REM1: variants seen among roughly 807,000 people sequenced by gnomAD.
REM1 encodes the protein GTP-binding protein REM 1.
Under a neutral mutation model 27.0 loss-of-function variants are expected in REM1, and 20 were observed. That is an observed-to-expected ratio of 0.74 (90% CI 0.52 to 1.08). The LOEUF is 1.08. REM1 is among the 50% of genes least tolerant of loss of function. REM1 has a pLI of 0.00. For synonymous variants in REM1, 159 were observed against 167.9 expected, an observed-to-expected ratio of 0.95 and a Z score of 0.41; for missense variants, 405 against 407.0, an observed-to-expected ratio of 1.00 and a Z score of 0.04.
chr20:31,478,042 A>C, intron 3 of REM1, 132 bp downstream of exon 3: 1 of 633,936 alleles, frequency 1.6e-6, no homozygotes, highest in South Asian at 1.8e-5. Flanking sequence ...CCCAAAACCC[A>C]CAGCTCCTAA....
chr20:31,476,839 C>CA, intron 2 of REM1, 54 bp downstream of exon 2: 1 of 1,420,542 alleles, frequency 7.0e-7, no homozygotes, highest in African/African-American at 1.4e-5. Context: ...AAAGCCCTGT[C>CA]ACCAGGGACA....
chr20:31,482,333 A>G lies in REM1; in HGVS notation c.470A>G (p.Tyr157Cys). The G allele has an allele frequency of 1.2e-6, 2 of 1,614,096 alleles. No homozygotes were observed. Among genetic ancestry groups the G allele is most frequent in the East Asian group, 2.2e-5 (1 of 44,882 alleles). ...TCATGCCTGCAGGGGGGCAGTGCCT[A>G]TGTCATCGTATACTCCATCGCAGAC... Reference protein sequence around the residue: ...QESCLQGGSAYVIVYSIADRG... With the variant: ...QESCLQGGSACVIVYSIADRG... Residue 157 changes from tyrosine to cysteine, a missense_variant, in exon 4 of 5, where the codon TAT (tyrosine) becomes TGT (cysteine). By Grantham distance (194) the Tyr-to-Cys change is radical. Transcript: ENST00000201979.
intron 2 of REM1, among the ~76,000 whole-genome samples, chr20:31,477,002 T>C (rs894038739): frequency 9.8e-5 from 15 of 152,314 alleles, no homozygotes; most frequent in African/African-American, 3.6e-4. Context: ...AATTCTTGAA[T>C]AGAACAAGAA....
Position 31,475,710 on chromosome 20 carries a change from T to C in REM1, c.-220+344T>C, listed in dbSNP as rs915389059. 5.3e-5 allele frequency among the ~76,000 whole-genome samples: 8 copies of C among 152,114 alleles called. No individual in the cohort carries two copies. Among genetic ancestry groups the C allele is most frequent in the African/African-American group, 1.7e-4 (7 of 41,408 alleles). On this transcript the variant is annotated intron_variant, in intron 1 of 4. Coordinates refer to ENST00000201979, the MANE Select transcript of REM1 (RefSeq NM_014012.6). The surrounding 1 kb of genome is among the most constrained non-coding windows in gnomAD (Gnocchi z 5.0). ...GGGGCCTGACCGGCGGCAGCTCCCG[T>C]CCCCAAAAGCAGTTGGAGGCCGTAG...
chr20:31,483,774 CAAAA>C (rs549633656), intron 4 of REM1, among the ~76,000 whole-genome samples: 8 of 102,516 alleles, frequency 7.8e-5, no homozygotes, highest in South Asian at 7.7e-4. Context: ...AACAGACATC[CAAAA>C]AAAAAAAAAA....
chr20:31,479,675 C>T (rs1980648394), intron 3 of REM1, among the ~76,000 whole-genome samples: 1 of 152,144 alleles, frequency 6.6e-6, no homozygotes, highest in African/African-American at 2.4e-5. Flanking sequence ...TCCATCCGTT[C>T]CGTCTGTGCG....
chr20:31,475,458 T>C lies in REM1; in HGVS notation c.-220+92T>C, dbSNP rs775223010. The stretch of plus-strand genomic sequence containing the variant: ...GGGGATTCGGCAGCGTTGGCAGGAA[T>C]AGGGGGGCTTCGAAACCGCGTCCCT... On this transcript the variant is annotated intron_variant, in intron 1 of 4. Coordinates refer to ENST00000201979, the MANE Select transcript of REM1 (RefSeq NM_014012.6). The surrounding 1 kb of genome is among the most constrained non-coding windows in gnomAD (Gnocchi z 5.0). The C allele has an allele frequency of 6.6e-6, 1 of 152,332 alleles. No homozygotes were observed. Among genetic ancestry groups the C allele is most frequent in the Admixed American group, 6.5e-5 (1 of 15,276 alleles). 9.4% of individuals were successfully genotyped at this position (152,332 alleles called of 1,614,324 possible).
chr20:31,484,012 T>C, intron 4 of REM1, 147 bp from the exon 5 acceptor site: 1 of 881,998 alleles, frequency 1.1e-6, no homozygotes, highest in Non-Finnish European at 1.6e-6. Flanking sequence ...CAAAGACCAG[T>C]CTGATTTATC....
rs1980476570 is a variant in REM1, at chr20:31,475,858, C to T, written c.-219-369C>T. Among the ~76,000 whole-genome samples the T allele has an allele frequency of 6.6e-6, 1 of 152,226 alleles. No homozygotes were observed. Among genetic ancestry groups the T allele is most frequent in the African/African-American group, 2.4e-5 (1 of 41,458 alleles). On this transcript the variant is annotated intron_variant, in intron 1 of 4. Coordinates refer to ENST00000201979, the MANE Select transcript of REM1 (RefSeq NM_014012.6). This position sits in a 1 kb window ranked among gnomAD's most constrained non-coding sequence, Gnocchi z 5.0. Reference sequence around the variant, plus strand: ...CCCCCTCGCGCTTCTGGAGTGCCAACCCGCCCTCCTGCCTCTTCCTCCTCA... The same window carrying T: ...CCCCCTCGCGCTTCTGGAGTGCCAATCCGCCCTCCTGCCTCTTCCTCCTCA...
chr20:31,480,524 C>T (rs1268950205), intron 3 of REM1, among the ~76,000 whole-genome samples: 1 of 151,830 alleles, frequency 6.6e-6, no homozygotes, highest in African/African-American at 2.4e-5. Context: ...GGTTTCACCA[C>T]GTTAGCCAGG....
intron 3 of REM1, among the ~76,000 whole-genome samples, chr20:31,480,798 G>A (rs1200448170): frequency 6.6e-6 from 1 of 152,172 alleles, no homozygotes; most frequent in Non-Finnish European, 1.5e-5. Context: ...AAGACCCAAA[G>A]GAAGAAACCT....
At chr20:31,483,483 A>G (rs1980800656) in intron 4 of REM1, among the ~76,000 whole-genome samples, 1 of 151,390 alleles carries the variant, frequency 6.6e-6, no homozygotes, top group African/African-American at 2.5e-5. Flanking sequence ...CAAAGCTTTA[A>G]TTGTCTGCAA....
At chr20:31,479,995 G>A (rs1032047236) in intron 3 of REM1, among the ~76,000 whole-genome samples, 3 of 151,998 alleles carry the variant, frequency 2.0e-5, no homozygotes, top group Non-Finnish European at 4.4e-5. Context: ...AGGCTAAGGC[G>A]GGAGAATCAC....
intron 3 of REM1, among the ~76,000 whole-genome samples, chr20:31,480,262 CATACATACATACATACATACATAG>C (rs1980684411): frequency 6.6e-6 from 1 of 151,578 alleles, no homozygotes; most frequent in Non-Finnish European, 1.5e-5. Flanking sequence ...TACATACATA[CATACATACATACATACATACATAG>C]ATACTACAGC....
At chr20:31,484,132 C>T (rs1433144163) in intron 4 of REM1, 27 bp from the exon 5 acceptor site, 1 of 1,547,482 alleles carries the variant, frequency 6.5e-7, no homozygotes. Flanking sequence ...TGGCTCCACC[C>T]CTCCTCGCCG....
At chr20:31,483,742 G>A (rs1033955573) in intron 4 of REM1, among the ~76,000 whole-genome samples, 1 of 148,632 alleles carries the variant, frequency 6.7e-6, no homozygotes, top group African/African-American at 2.5e-5. Flanking sequence ...GCTCCTGGAG[G>A]TGGAAGACCC....
Position 31,484,549 on chromosome 20 carries a change from C to A in REM1, c.*119C>A, listed in dbSNP as rs1363155069. The A allele has an allele frequency of 1.6e-6, 2 of 1,248,752 alleles. No homozygotes were observed. The highest frequency in any genetic ancestry group is 6.8e-5 in the Admixed American group (2 of 29,378). The allele number at this position is 1,248,752 out of a possible 1,614,324, so 77.4% of individuals were successfully genotyped here. On this transcript the variant is annotated 3_prime_UTR_variant, in exon 5 of 5. Transcript: ENST00000201979. ...CTGCATCATGGGTCTTGCTTGCCTG[C>A]TGCCCTGATGGCCTGAGCATCCCCC...
intron 2 of REM1, 24 bp from the exon 3 acceptor site, chr20:31,477,804 A>T: frequency 2.5e-6 from 4 of 1,601,020 alleles, no homozygotes; most frequent in Non-Finnish European, 3.4e-6. Context: ...CCTCCCTGAG[A>T]TCCAGCTCTT....
Position 31,476,436 on chromosome 20 carries a change from C to CG in REM1, c.-10_-9insG. ...GAAAGAAGGAAGAAGCAAACCCCCCCCTACCAAAGATGACACTCAACACCG... is the reference window on the plus strand; with the variant it reads ...GAAAGAAGGAAGAAGCAAACCCCCCCGCTACCAAAGATGACACTCAACACCG... On this transcript the variant is annotated 5_prime_UTR_variant, in exon 2 of 5. Transcript: ENST00000201979. The CG allele has an allele frequency of 1.3e-6, 2 of 1,547,872 alleles. No individual in the cohort carries two copies. The highest frequency in any genetic ancestry group is 1.7e-6 in the Non-Finnish European group (2 of 1,149,632).
Sources: gnomAD v4.1 joint callset for allele counts (sites outside exome capture counted in the v4.1 genomes callset) on GRCh38, gnomAD v4.1.1 for gene constraint, Gnocchi (gnomAD v3.1) non-coding constraint, MANE v1.5 for transcripts, NCBI Gene and HGNC (gene_info 2026-07-23, HGNC 2026-07-21) for gene names.